SCFD2: variants seen among roughly 807,000 people sequenced by gnomAD.
SCFD2 encodes the protein sec1 family domain-containing protein 2.
Under a neutral mutation model 58.9 loss-of-function variants are expected in SCFD2, and 54 were observed. The observed-to-expected ratio is 0.92, with a 90% confidence interval of 0.74 to 1.15. SCFD2 has a LOEUF of 1.15. Among genes scored for constraint, SCFD2 ranks in the 50% most tolerant of loss-of-function variants. The pLI, the probability that SCFD2 is intolerant of heterozygous loss-of-function variation, is 0.00. For missense variants in SCFD2, 805 were observed against 836.6 expected (o/e 0.96, Z 0.47); for synonymous variants, 321 against 335.9 (o/e 0.96, Z 0.49).
chr4:53,005,084 G>A (rs1346372605), intron 5 of SCFD2, among the ~76,000 whole-genome samples: 1 of 152,132 alleles, frequency 6.6e-6, no homozygotes, highest in East Asian at 1.9e-4. Flanking sequence ...TTTTAGTAGA[G>A]ACGGGGTTTC....
chr4:53,197,807 G>C (rs559823471), intron 4 of SCFD2, among the ~76,000 whole-genome samples: 1 of 148,668 alleles, frequency 6.7e-6, no homozygotes, highest in African/African-American at 2.5e-5. Context: ...GAAATGCAGA[G>C]CTGGTTTATA....
At chr4:53,131,336 G>A (rs1725781438) in intron 5 of SCFD2, among the ~76,000 whole-genome samples, 1 of 152,200 alleles carries the variant, frequency 6.6e-6, no homozygotes. Context: ...AAGGCCATGG[G>A]CCAATGGGTA....
intron 4 of SCFD2, among the ~76,000 whole-genome samples, chr4:53,182,041 T>C (rs1254237318): frequency 1.3e-5 from 2 of 152,204 alleles, no homozygotes; most frequent in African/African-American, 2.4e-5. Flanking sequence ...TGCTCATGTC[T>C]AGGAAGAATC....
chr4:53,056,891 A>G (rs1265304789), intron 5 of SCFD2, among the ~76,000 whole-genome samples: 9 of 152,170 alleles, frequency 5.9e-5, no homozygotes, highest in Non-Finnish European at 1.2e-4. Flanking sequence ...GACAAAGACA[A>G]AAATATCACA....
intron 5 of SCFD2, among the ~76,000 whole-genome samples, chr4:53,025,115 A>C (rs1360140055): frequency 2.6e-5 from 4 of 152,170 alleles, no homozygotes; most frequent in Non-Finnish European, 5.9e-5. Context: ...AATGGAATGA[A>C]CAGAAGAAGG....
At chr4:53,050,985 C>T (rs1338648365) in intron 5 of SCFD2, among the ~76,000 whole-genome samples, 1 of 152,164 alleles carries the variant, frequency 6.6e-6, no homozygotes, top group East Asian at 1.9e-4. Context: ...TCTCTCAAAA[C>T]ATCAGGTTAT....
intron 4 of SCFD2, among the ~76,000 whole-genome samples, chr4:53,215,033 C>T (rs897706341): frequency 2.6e-5 from 4 of 152,120 alleles, no homozygotes; most frequent in African/African-American, 9.7e-5. Context: ...GGTACCAGTA[C>T]CACGCTGTTT....
At chr4:53,262,949 A>T (rs1730870741) in intron 4 of SCFD2, among the ~76,000 whole-genome samples, 1 of 152,056 alleles carries the variant, frequency 6.6e-6, no homozygotes, top group African/African-American at 2.4e-5. Flanking sequence ...TTCATTTTTT[A>T]AAATTATTTT....
At chr4:53,234,571 T>C (rs1429138044) in intron 4 of SCFD2, among the ~76,000 whole-genome samples, 1 of 152,206 alleles carries the variant, frequency 6.6e-6, no homozygotes, top group Non-Finnish European at 1.5e-5. Flanking sequence ...TAATTCCTAA[T>C]GTTCTTTATC....
At chr4:53,115,321 A>G (rs1205070556) in intron 5 of SCFD2, among the ~76,000 whole-genome samples, 1 of 152,122 alleles carries the variant, frequency 6.6e-6, no homozygotes, top group Non-Finnish European at 1.5e-5. Context: ...GATAAGATTA[A>G]CCCAAAGAAG....
intron 5 of SCFD2, among the ~76,000 whole-genome samples, chr4:53,073,640 G>A (rs1407432510): frequency 6.6e-6 from 1 of 152,014 alleles, no homozygotes; most frequent in East Asian, 1.9e-4. Context: ...AGACATGAGT[G>A]GGCATAATGA....
chr4:53,210,344 G>A (rs1728569551), intron 4 of SCFD2, among the ~76,000 whole-genome samples: 1 of 152,098 alleles, frequency 6.6e-6, no homozygotes, highest in Admixed American at 6.5e-5. Flanking sequence ...CTGTGGTCAG[G>A]AAAGTCCTGA....
intron 5 of SCFD2, among the ~76,000 whole-genome samples, chr4:53,116,700 G>A (rs1725329278): frequency 6.6e-6 from 1 of 152,114 alleles, no homozygotes; most frequent in Admixed American, 6.5e-5. Context: ...TGGAGAGTTG[G>A]GTTTTGTGAA....
Position 53,222,380 on chromosome 4 carries a change from A to C in SCFD2, c.1311+51446T>G, listed in dbSNP as rs114754295. ...GAAGCTTGAAGCTTTGATAGAAGTA[A>C]TTATTTTTACATGACTGCAAAAGCT... On this transcript the variant is annotated intron_variant, in intron 4 of 8. Coordinates refer to ENST00000401642, the MANE Select transcript of SCFD2 (RefSeq NM_152540.4). 5.6e-3 allele frequency among the ~76,000 whole-genome samples: 857 copies of C among 152,330 alleles called. 4 individuals carry two copies. Among genetic ancestry groups the C allele is most frequent in the Non-Finnish European group, 7.5e-3 (507 of 68,032 alleles).
chr4:53,256,212 G>A (rs1730621791), intron 4 of SCFD2, among the ~76,000 whole-genome samples: 1 of 151,024 alleles, frequency 6.6e-6, no homozygotes. Flanking sequence ...CTCAGACAGG[G>A]CAGTTGCCAG....
At chr4:53,258,647 A>C (rs1730734576) in intron 4 of SCFD2, among the ~76,000 whole-genome samples, 1 of 150,478 alleles carries the variant, frequency 6.6e-6, no homozygotes, top group African/African-American at 2.5e-5. Flanking sequence ...GGCTGGTTCC[A>C]TACTTTCACA....
intron 4 of SCFD2, among the ~76,000 whole-genome samples, chr4:53,197,186 A>G (rs909047023): frequency 5.9e-5 from 9 of 152,134 alleles, no homozygotes; most frequent in Admixed American, 2.6e-4. Context: ...TCAAAAGAAA[A>G]CAAACTGAGA....
intron 7 of SCFD2, among the ~76,000 whole-genome samples, chr4:52,893,852 T>C (rs1263486717): frequency 1.3e-5 from 2 of 152,256 alleles, no homozygotes; most frequent in Admixed American, 6.5e-5. Context: ...GGTTTCCTGA[T>C]GGCTTTCCAG....
At chr4:53,361,899 G>T (rs1239099543) in intron 1 of SCFD2, among the ~76,000 whole-genome samples, 1 of 152,058 alleles carries the variant, frequency 6.6e-6, no homozygotes. Flanking sequence ...TTCAATTAAT[G>T]TCTGGTATCT....
Sources: gnomAD v4.1 joint callset for allele counts (sites outside exome capture counted in the v4.1 genomes callset) on GRCh38, gnomAD v4.1.1 for gene constraint, MANE v1.5 for transcripts, NCBI Gene and HGNC (gene_info 2026-07-23, HGNC 2026-07-21) for gene names.